FXYD7: variants seen among roughly 807,000 people sequenced by gnomAD.
FXYD7 encodes FXYD domain-containing ion transport regulator 7.
Under a neutral mutation model 15.3 loss-of-function variants are expected in FXYD7, and 7 were observed. The observed-to-expected ratio is 0.46, with a 90% CI of 0.26 to 0.86. The LOEUF is 0.86. Among genes scored for constraint, FXYD7 ranks in the 40% least tolerant of loss-of-function variants. The pLI is 0.16. For missense variants in FXYD7, 78 were observed against 100.6 expected (o/e 0.78, Z 0.96); for synonymous variants, 39 against 39.3 (o/e 0.99, Z 0.03).
intron 5 of FXYD7, among the ~76,000 whole-genome samples, chr19:35,152,570 G>T (rs1432984731): frequency 6.6e-6 from 1 of 152,112 alleles, no homozygotes; most frequent in Non-Finnish European, 1.5e-5. Flanking sequence ...CATTGGAAAA[G>T]AACATATGGG....
At chr19:35,148,093 A>AAGAAAG (rs1555737010) in intron 1 of FXYD7, among the ~76,000 whole-genome samples, 8 of 124,892 alleles carry the variant, frequency 6.4e-5, no homozygotes, top group African/African-American at 2.0e-4. Context: ...GAAAGAAAGA[A>AAGAAAG]AGAGAGAGAG....
intron 2 of FXYD7, among the ~76,000 whole-genome samples, chr19:35,149,887 G>A (rs943930317): frequency 3.9e-5 from 6 of 152,130 alleles, no homozygotes; most frequent in African/African-American, 1.2e-4. Flanking sequence ...TCAAGTCCAG[G>A]AGTTTGAAGC....
chr19:35,151,531 C>G lies in FXYD7; in HGVS notation c.179+49C>G, dbSNP rs200372075. ...CGGGAGGGGGCCTCGGGGTGCCTCC[C>G]TAGCAGATGGGCAGGATCCACTGGG... On this transcript the variant is annotated intron_variant, in intron 4 of 5. Transcript: ENST00000270310. 5.8e-5 allele frequency: 93 copies of G among 1,604,110 alleles called. 1 individual carries two copies. In the African/African-American group the frequency reaches 8.2e-4, roughly 14 times the overall value.
intron 5 of FXYD7, among the ~76,000 whole-genome samples, chr19:35,152,370 T>C (rs2065314447): frequency 6.6e-6 from 1 of 151,370 alleles, no homozygotes; most frequent in Non-Finnish European, 1.5e-5. Flanking sequence ...AGGAGCTCTG[T>C]CAATCAGGAG....
At chr19:35,147,548 C>T (rs1353130048) in intron 1 of FXYD7, among the ~76,000 whole-genome samples, 2 of 152,216 alleles carry the variant, frequency 1.3e-5, no homozygotes, top group Non-Finnish European at 2.9e-5. Context: ...ATTTTATCCA[C>T]ATGTGAACAT....
In FXYD7 at chr19:35,143,323, T is replaced by C; in HGVS notation, c.-11T>C. The C allele has an allele frequency of 6.5e-7, 1 of 1,536,046 alleles. No homozygotes were observed. The highest frequency in any genetic ancestry group is 8.8e-7 in the Non-Finnish European group (1 of 1,141,178). ...GCCAAAGCATCCAGCAGCCCCCTGC[T>C]CCGGCCCAGCATGGCGACCCCGACC... On this transcript the variant is annotated 5_prime_UTR_variant, in exon 1 of 6. Coordinates refer to ENST00000270310, the MANE Select transcript of FXYD7 (RefSeq NM_022006.2). This position sits in a 1 kb window ranked among gnomAD's most constrained non-coding sequence, Gnocchi z 4.3.
intron 1 of FXYD7, among the ~76,000 whole-genome samples, chr19:35,146,319 A>G (rs961190271): frequency 6.6e-6 from 1 of 152,124 alleles, no homozygotes; most frequent in African/African-American, 2.4e-5. Flanking sequence ...TTGTATTGTT[A>G]GTACAGATGG....
At chr19:35,151,373 T>C (rs758303142) in intron 3 of FXYD7, 45 bp downstream of exon 3, 3 of 1,600,116 alleles carry the variant, frequency 1.9e-6, no homozygotes. Context: ...CCGCTTCCTC[T>C]GCTGGCTTTC....
At chr19:35,148,481 A>T (rs184685239) in intron 1 of FXYD7, among the ~76,000 whole-genome samples, 24 of 152,282 alleles carry the variant, frequency 1.6e-4, no homozygotes, top group Non-Finnish European at 2.5e-4. Flanking sequence ...GTGCTGACTG[A>T]TGGAGTGAGT....
intron 2 of FXYD7, 193 bp downstream of exon 2, chr19:35,148,916 C>T: frequency 1.4e-6 from 1 of 716,976 alleles, no homozygotes; most frequent in South Asian, 1.4e-5. Context: ...GGGGATGCCT[C>T]ACACTCTCTC....
rs748933900 is a variant in FXYD7 at position 35,151,476 on chromosome 19, C to T, written c.173C>T (p.Ser58Phe). The change falls in exon 4 of 6, where the codon TCT becomes TTT. Residue 58 changes from serine to phenylalanine, a missense_variant. Physicochemically the swap from Ser to Phe is radical, Grantham distance 155. Coordinates refer to ENST00000270310, the MANE Select transcript of FXYD7 (RefSeq NM_022006.2). The stretch of plus-strand genomic sequence containing the variant: ...AAGTGCAGGAAGGCGGACTCCAGGT[C>T]TGAGAGGTCTGGCAGCAGTGGGCAA... ...KVKCRKADSRSESPTCKSCKS... is the reference protein window; with the variant it reads ...KVKCRKADSRFESPTCKSCKS... The T allele has an allele frequency of 6.2e-7, 1 of 1,614,134 alleles. No individual in the cohort carries two copies. Among genetic ancestry groups the T allele is most frequent in the South Asian group, 1.1e-5 (1 of 91,090 alleles).
intron 1 of FXYD7, among the ~76,000 whole-genome samples, chr19:35,148,333 C>T (rs1568405992): frequency 6.6e-6 from 1 of 152,182 alleles, no homozygotes; most frequent in Non-Finnish European, 1.5e-5. Flanking sequence ...TCTGTTTTAA[C>T]CTCATGACAT....
chr19:35,147,963 A>G (rs2065294146), intron 1 of FXYD7, among the ~76,000 whole-genome samples: 2 of 151,362 alleles, frequency 1.3e-5, no homozygotes, highest in Non-Finnish European at 2.9e-5. Context: ...ACTGCACTCC[A>G]GCCTGGGTGA....
At position 35,153,990 on chromosome 19, in the gene FXYD7, G is replaced by C; in HGVS notation, c.*74G>C. 5 of 1,460,486 alleles carry C rather than the reference G, an allele frequency of 3.4e-6. No homozygotes were observed. Among genetic ancestry groups the C allele is most frequent in the South Asian group, 1.1e-5 (1 of 87,522 alleles). 90.5% of individuals were successfully genotyped at this position (1,460,486 alleles called of 1,614,324 possible). On this transcript the variant is annotated 3_prime_UTR_variant, in exon 6 of 6. Coordinates refer to ENST00000270310, the MANE Select transcript of FXYD7 (RefSeq NM_022006.2). ...CTGAGGACCGGGTGGAGGCGGTGGG[G>C]ACCCAGCCGCGCGCCGGGAGCGCTC...
chr19:35,145,379 C>T (rs1013578561), intron 1 of FXYD7, among the ~76,000 whole-genome samples: 3 of 152,202 alleles, frequency 2.0e-5, no homozygotes, highest in Non-Finnish European at 2.9e-5. Context: ...GAGGATCTTC[C>T]GCATGGAGGA....
chr19:35,151,031 G>A (rs1293274807), intron 2 of FXYD7, among the ~76,000 whole-genome samples: 3 of 151,874 alleles, frequency 2.0e-5, no homozygotes, highest in African/African-American at 7.3e-5. Context: ...CAGGGGGAGA[G>A]GGCAAGGGAG....
intron 1 of FXYD7, among the ~76,000 whole-genome samples, chr19:35,146,597 T>C (rs1403046197): frequency 6.6e-6 from 1 of 152,230 alleles, no homozygotes; most frequent in Admixed American, 6.5e-5. Flanking sequence ...GTAAATGCGC[T>C]GATATCTGTC....
chr19:35,148,018 AGAAAGAAG>A (rs1568405728), intron 1 of FXYD7, among the ~76,000 whole-genome samples: 2 of 134,210 alleles, frequency 1.5e-5, no homozygotes, highest in African/African-American at 5.7e-5. Context: ...GAAAGAAAGA[AGAAAGAAG>A]GAAAGAAAGA....
intron 1 of FXYD7, 36 bp from the exon 2 acceptor site, chr19:35,148,658 T>G: frequency 6.6e-7 from 1 of 1,515,508 alleles, no homozygotes; most frequent in Non-Finnish European, 8.8e-7. Context: ...TTAAGTTTTT[T>G]TTTTCTTTCT....
Sources: allele counts gnomAD v4.1 joint callset (sites outside exome capture counted in the v4.1 genomes callset), GRCh38; gene constraint gnomAD v4.1.1; non-coding constraint Gnocchi (gnomAD v3.1); transcripts MANE v1.5; gene names NCBI Gene and HGNC (gene_info 2026-07-23, HGNC 2026-07-21).